Variants in COL16A1 observed in about 807,000 individuals in gnomAD.
The protein encoded by COL16A1 is collagen type XVI alpha 1 chain, also known as collagen alpha-1(XVI) chain.
Under a neutral mutation model 266.3 loss-of-function variants are expected in COL16A1, and 189 were observed. That is an observed-to-expected ratio of 0.71 (90% CI 0.63 to 0.80). The LOEUF is 0.80. COL16A1 is among the 30% of genes least tolerant of loss of function. The pLI is 0.00. For synonymous variants in COL16A1, 740 were observed against 782.3 expected (o/e 0.95, Z 0.90); for missense variants, 1,928 against 2,122.4 (o/e 0.91, Z 1.80).
chr1:31,692,367 G>A, intron 16 of COL16A1, 107 bp downstream of exon 16: 1 of 1,481,318 alleles, frequency 6.8e-7, no homozygotes, highest in Non-Finnish European at 9.0e-7. Context: ...TGCCAGCTCT[G>A]TGCCCACTGA....
chr1:31,662,260 G>A, intron 58 of COL16A1, 74 bp downstream of exon 58: 1 of 1,567,910 alleles, frequency 6.4e-7, no homozygotes, highest in African/African-American at 1.4e-5. Context: ...CTTTCCATCA[G>A]GGTTCCCTTG....
chr1:31,662,812 A>C (rs1641812864), intron 56 of COL16A1, 154 bp from the exon 57 acceptor site: 4 of 717,708 alleles, frequency 5.6e-6, no homozygotes, highest in South Asian at 3.8e-5. Flanking sequence ...GTCTAACTGC[A>C]TATGTGCCAC....
At chr1:31,686,442 A>T in intron 26 of COL16A1, 163 bp from the exon 27 acceptor site, 1 of 974,486 alleles carries the variant, frequency 1.0e-6, no homozygotes, top group African/African-American at 1.6e-5. Flanking sequence ...GGGAGTCTGT[A>T]ACCAGCCAGG....
Position 31,658,577 on chromosome 1 carries a change from C to T in COL16A1, c.3931G>A (p.Gly1311Ser), listed in dbSNP as rs1641370934. 1.2e-6 allele frequency: 2 copies of T among 1,600,964 alleles called. No individual in the cohort carries two copies. Among genetic ancestry groups the T allele is most frequent in the African/African-American group, 2.7e-5 (2 of 74,776 alleles). The change falls in exon 64 of 71, where the codon GGT becomes AGT. Residue 1311 changes from glycine to serine, a missense_variant and splice_region_variant. Physicochemically the swap from Gly to Ser is moderately conservative, Grantham distance 56 (BLOSUM62 0). Transcript: ENST00000373672. ...GTGGCTCCTCGGTCTCCTTTCAGAC[C>T]CTAGAGAATAGGAAGGGGGACAGTG... ...QPGPAGISAV[G>S]LKGDRGATGE... is the part of the protein sequence containing the mutation.
chr1:31,679,485 C>T (rs1643440071), intron 42 of COL16A1, 147 bp downstream of exon 42: 2 of 1,613,270 alleles, frequency 1.2e-6, no homozygotes, highest in Non-Finnish European at 1.7e-6. Flanking sequence ...CCTTGCCACC[C>T]TGGGAGGCAG....
intron 37 of COL16A1, 92 bp downstream of exon 37, chr1:31,682,842 G>A: frequency 6.6e-7 from 1 of 1,515,442 alleles, no homozygotes; most frequent in African/African-American, 1.4e-5. Context: ...CTGTGCTGCT[G>A]GGATGGGCAG....
At chr1:31,695,832 G>A in intron 9 of COL16A1, 45 bp from the exon 10 acceptor site, 1 of 1,578,196 alleles carries the variant, frequency 6.3e-7, no homozygotes, top group Non-Finnish European at 8.7e-7. Flanking sequence ...GGAGCTCAGG[G>A]GGCCGAGCAC....
rs78958534 is a variant in COL16A1, at chr1:31,670,900, G to A, written c.3151-254C>T. Among the ~76,000 whole-genome samples the A allele has an allele frequency of 0.011, 1,743 of 152,300 alleles. 23 individuals are homozygous for A. The highest frequency in any genetic ancestry group is 0.064 in the South Asian group (310 of 4,828). On this transcript the variant is annotated intron_variant, in intron 48 of 70. Coordinates refer to ENST00000373672, the MANE Select transcript of COL16A1 (RefSeq NM_001856.4). The surrounding 1 kb of genome is among the most constrained non-coding windows in gnomAD (Gnocchi z 4.5). ...AGTCAGAGGGCTTCCTGAGTCTTCC[G>A]GAGTCTAACTGAAGATCCGGTTGCA...
intron 16 of COL16A1, 61 bp downstream of exon 16, chr1:31,692,413 T>G (rs893910578): frequency 6.4e-7 from 1 of 1,567,796 alleles, no homozygotes; most frequent in African/African-American, 1.4e-5. Flanking sequence ...TCCTCCTTCC[T>G]CATGGCTGTA....
intron 28 of COL16A1, 47 bp downstream of exon 28, chr1:31,686,044 T>C (rs371291143): frequency 4.3e-6 from 7 of 1,609,898 alleles, no homozygotes; most frequent in Non-Finnish European, 5.9e-6. Flanking sequence ...AGTGTCTATC[T>C]AGGAAGCTCA....
chr1:31,686,189 T>C (rs369513875), intron 27 of COL16A1, 54 bp from the exon 28 acceptor site: 138 of 1,614,006 alleles, frequency 8.6e-5, no homozygotes, highest in Non-Finnish European at 1.1e-4. Flanking sequence ...GCCATGCCTA[T>C]CAGCCCCTCC....
In COL16A1 at chr1:31,684,132, CT is replaced by C; in HGVS notation, c.2259del (p.Gly754AlafsTer22). ...QPGPKGEQGPEGVGRPGKPGQ... is the reference protein window; with the variant it reads ...QPGPKGEQGPXGVGRPGKPGQ... ...ACGGGTTTACCAGGTCGGCCCACGCCTTCGGGGCCCTGCTCTCCTTTGGGGC... is the reference window on the plus strand; with the variant it reads ...ACGGGTTTACCAGGTCGGCCCACGCCTCGGGGCCCTGCTCTCCTTTGGGGC... On this transcript the variant is annotated frameshift_variant, in exon 32 of 71. Transcript: ENST00000373672. LOFTEE classifies it high-confidence loss of function. 6.4e-7 allele frequency: 1 copy of C among 1,561,658 alleles called. No individual in the cohort carries two copies. The highest frequency in any genetic ancestry group is 8.7e-7 in the Non-Finnish European group (1 of 1,152,268).
rs369233724 is a variant in COL16A1 at position 31,655,518 on chromosome 1, C to G, written c.4102-16G>C. Reference sequence around the variant, plus strand: ...CTGGATCACCCTACAAAGATAGATACTTAGTGCTGTCAAATTTACATCATG... The same window carrying G: ...CTGGATCACCCTACAAAGATAGATAGTTAGTGCTGTCAAATTTACATCATG... On this transcript the variant is annotated splice_polypyrimidine_tract_variant and intron_variant, in intron 66 of 70. Transcript: ENST00000373672. The G allele has an allele frequency of 1.1e-5, 17 of 1,612,024 alleles. No individual in the cohort carries two copies. The highest frequency in any genetic ancestry group is 1.3e-5 in the Non-Finnish European group (15 of 1,178,822).
At chr1:31,672,551 G>C in intron 46 of COL16A1, 45 bp downstream of exon 46, 9 of 1,613,318 alleles carry the variant, frequency 5.6e-6, no homozygotes, top group Non-Finnish European at 7.6e-6. Context: ...GCCTGTCCCT[G>C]TGGGGCATGG....
chr1:31,668,725 C>A lies in COL16A1; in HGVS notation c.3249+77G>T. On this transcript the variant is annotated intron_variant, in intron 50 of 70. Transcript: ENST00000373672. This position sits in a 1 kb window ranked among gnomAD's most constrained non-coding sequence, Gnocchi z 5.8. ...TCCCAGCTTCCACTCAGCAGCCACCCTTCAGAGCTCAAGCTCTGCCTCCCC... is the reference window on the plus strand; with the variant it reads ...TCCCAGCTTCCACTCAGCAGCCACCATTCAGAGCTCAAGCTCTGCCTCCCC... 6.6e-7 allele frequency: 1 copy of A among 1,522,664 alleles called. No homozygotes were observed. Among genetic ancestry groups the A allele is most frequent in the Non-Finnish European group, 9.1e-7 (1 of 1,097,890 alleles). The allele number at this position is 1,522,664 out of a possible 1,614,324, so 94.3% of individuals were successfully genotyped here. A position where few individuals can be genotyped will look rare whatever the true frequency, so the allele number is the denominator to read the frequency against.
intron 52 of COL16A1, chr1:31,666,317 C>T: frequency 1.8e-6 from 1 of 565,056 alleles, no homozygotes; most frequent in Non-Finnish European, 3.1e-6. Context: ...CAGCAAATGG[C>T]TGCCCTCTTC....
rs1363426268 is a variant in COL16A1 at position 31,696,943 on chromosome 1, C to T, written c.864+20G>A. On this transcript the variant is annotated intron_variant, in intron 8 of 70. Coordinates refer to ENST00000373672, the MANE Select transcript of COL16A1 (RefSeq NM_001856.4). The stretch of plus-strand genomic sequence containing the variant: ...ACTTGTGCCTGCCTGTGCTGGCATC[C>T]ACCTGTCCTGCCCACCCACCTCGCT... 3.1e-6 allele frequency: 5 copies of T among 1,613,204 alleles called. No homozygotes were observed. Among genetic ancestry groups the T allele is most frequent in the Non-Finnish European group, 4.2e-6 (5 of 1,179,930 alleles).
intron 68 of COL16A1, 89 bp downstream of exon 68, chr1:31,654,703 G>A (rs1640949542): frequency 6.2e-7 from 1 of 1,606,584 alleles, no homozygotes; most frequent in South Asian, 1.1e-5. Flanking sequence ...AGGACATTGA[G>A]CGTTAAGGAG....
intron 22 of COL16A1, 38 bp downstream of exon 22, chr1:31,690,329 T>C (rs1182682962): frequency 6.2e-7 from 1 of 1,612,690 alleles, no homozygotes; most frequent in African/African-American, 1.3e-5. Flanking sequence ...GGGGGTCCCG[T>C]TCCCACCCCG....
Sources: gnomAD v4.1 joint callset for allele counts (sites outside exome capture counted in the v4.1 genomes callset) on GRCh38, gnomAD v4.1.1 for gene constraint, Gnocchi (gnomAD v3.1) non-coding constraint, MANE v1.5 for transcripts, NCBI Gene and HGNC (gene_info 2026-07-23, HGNC 2026-07-21) for gene names.